The following FHIT variants were observed in gnomAD, a reference collection of about 807,000 sequenced individuals.
FHIT encodes the protein bis(5'-adenosyl)-triphosphatase.
A neutral mutation model predicts 17.9 loss-of-function variants in FHIT; 19 were observed. That is an observed-to-expected ratio of 1.06 (90% CI 0.74 to 1.56). The LOEUF is 1.56. Ranked by LOEUF, FHIT falls within the 40% of genes most tolerant of loss-of-function variation. The pLI, the probability that FHIT is intolerant of heterozygous loss-of-function variation, is 0.00. For synonymous variants in FHIT, 81 were observed against 69.7 expected (o/e 1.16, Z -0.81); for missense variants, 248 against 189.2 (o/e 1.31, Z -1.82).
intron 4 of FHIT, among the ~76,000 whole-genome samples, chr3:60,548,397 C>G (rs986873425): frequency 6.6e-6 from 1 of 152,010 alleles, no homozygotes; most frequent in African/African-American, 2.4e-5. Flanking sequence ...ACAATAAATA[C>G]AAACTTTTTG....
In FHIT at chr3:59,918,234, T is replaced by G. The variant is rs13319697; in HGVS notation, c.348+4112A>C. On this transcript the variant is annotated intron_variant, in intron 8 of 9. Coordinates refer to ENST00000492590, the MANE Select transcript of FHIT (RefSeq NM_002012.4). ...AACACCTTGTTTTTTTTTAAATGTG[T>G]TCATTCATTTTCAAATATTCACTGA... Among the ~76,000 whole-genome samples the G allele has an allele frequency of 9.5e-3, 1,453 of 152,290 alleles. 26 individuals are homozygous for G. Among genetic ancestry groups the G allele is most frequent in the African/African-American group, 0.033 (1,375 of 41,564 alleles).
chr3:61,045,706 G>T (rs541386657), intron 2 of FHIT, among the ~76,000 whole-genome samples: 3 of 151,996 alleles, frequency 2.0e-5, no homozygotes, highest in Non-Finnish European at 2.9e-5. Flanking sequence ...GCACCACATC[G>T]TACTTATTCC....
chr3:59,749,736 C>A, intron 9 of FHIT, 157 bp from the exon 10 acceptor site: 1 of 229,188 alleles, frequency 4.4e-6, no homozygotes, highest in Non-Finnish European at 8.7e-6. Context: ...TGCTTAATTA[C>A]AACTATATTT....
At chr3:61,136,337 A>G (rs187946316) in intron 2 of FHIT, among the ~76,000 whole-genome samples, 50 of 152,168 alleles carry the variant, frequency 3.3e-4, no homozygotes, top group African/African-American at 1.2e-3. Context: ...ATTTGCCACA[A>G]CCAAGATAAT....
chr3:60,313,546 GGTTGT>G (rs1709039288), intron 5 of FHIT, among the ~76,000 whole-genome samples: 1 of 152,164 alleles, frequency 6.6e-6, no homozygotes, highest in African/African-American at 2.4e-5. Flanking sequence ...TATACAAATA[GGTTGT>G]CACGTAAAGT....
At chr3:60,051,921 G>C (rs1440047014) in intron 5 of FHIT, among the ~76,000 whole-genome samples, 6 of 152,084 alleles carry the variant, frequency 3.9e-5, no homozygotes, top group Non-Finnish European at 8.8e-5. Context: ...AGATTGGTTG[G>C]GTATCTCCAT....
intron 5 of FHIT, among the ~76,000 whole-genome samples, chr3:60,177,251 A>G (rs1183527591): frequency 6.6e-6 from 1 of 151,742 alleles, no homozygotes; most frequent in East Asian, 1.9e-4. Context: ...GGGAAATAAT[A>G]CAATAAGCCA....
intron 5 of FHIT, among the ~76,000 whole-genome samples, chr3:60,048,644 G>A (rs566245236): frequency 3.3e-5 from 5 of 152,276 alleles, no homozygotes; most frequent in South Asian, 2.1e-4. Flanking sequence ...ACTTCCCTCT[G>A]CTTTATGAGG....
chr3:60,516,667 C>T (rs943448633), intron 5 of FHIT, among the ~76,000 whole-genome samples: 7 of 152,122 alleles, frequency 4.6e-5, no homozygotes, highest in African/African-American at 1.7e-4. Context: ...CTCATGAGTG[C>T]TAAATTAATA....
At chr3:60,144,750 C>T (rs1370174560) in intron 5 of FHIT, among the ~76,000 whole-genome samples, 1 of 152,038 alleles carries the variant, frequency 6.6e-6, no homozygotes, top group Non-Finnish European at 1.5e-5. Context: ...CCTTCAATAG[C>T]CTCTTTTCTA....
chr3:60,811,169 A>G (rs1701560682), intron 4 of FHIT, among the ~76,000 whole-genome samples: 1 of 152,192 alleles, frequency 6.6e-6, no homozygotes, highest in Non-Finnish European at 1.5e-5. Flanking sequence ...AATTCAGAGT[A>G]TGGGGTTTTA....
intron 3 of FHIT, among the ~76,000 whole-genome samples, chr3:60,839,173 T>C (rs1319970690): frequency 1.3e-5 from 2 of 152,160 alleles, no homozygotes; most frequent in South Asian, 2.1e-4. Flanking sequence ...CAGACGAAAA[T>C]GGTGAGTGTA....
chr3:60,055,151 AG>A, intron 5 of FHIT, among the ~76,000 whole-genome samples: 1 of 152,286 alleles, frequency 6.6e-6, no homozygotes, highest in South Asian at 2.1e-4. Flanking sequence ...CATGGCAAGA[AG>A]GGTACCCTTG....
chr3:60,027,239 G>C (rs1700790819), intron 5 of FHIT, among the ~76,000 whole-genome samples: 1 of 150,842 alleles, frequency 6.6e-6, no homozygotes, highest in South Asian at 2.1e-4. Flanking sequence ...GTATATAACT[G>C]AAAAAAAATA....
At chr3:60,865,930 C>T (rs183440204) in intron 3 of FHIT, among the ~76,000 whole-genome samples, 32 of 152,174 alleles carry the variant, frequency 2.1e-4, no homozygotes, top group African/African-American at 7.2e-4. Flanking sequence ...TTCTTTTGCA[C>T]ACAATTGTAG....
intron 4 of FHIT, among the ~76,000 whole-genome samples, chr3:60,678,404 G>C (rs1390315594): frequency 1.3e-5 from 2 of 152,014 alleles, no homozygotes; most frequent in Admixed American, 6.6e-5. Flanking sequence ...TGTTATTATA[G>C]AGGTCAATTC....
intron 5 of FHIT, among the ~76,000 whole-genome samples, chr3:60,198,265 T>C (rs1702736700): frequency 6.6e-6 from 1 of 152,178 alleles, no homozygotes; most frequent in African/African-American, 2.4e-5. Context: ...ATATGCTCAG[T>C]CACAAATGGT....
chr3:60,308,437 C>T (rs568973031), intron 5 of FHIT, among the ~76,000 whole-genome samples: 84 of 151,346 alleles, frequency 5.6e-4, no homozygotes, highest in Middle Eastern at 3.4e-3. Context: ...ATCATCCTTT[C>T]TGTATCTAAC....
chr3:60,774,432 T>C (rs1017061720), intron 4 of FHIT, among the ~76,000 whole-genome samples: 4 of 151,992 alleles, frequency 2.6e-5, no homozygotes, highest in African/African-American at 7.2e-5. Context: ...TCCCGAGTAG[T>C]TGGGATTACA....
Sources: allele counts gnomAD v4.1 joint callset (sites outside exome capture counted in the v4.1 genomes callset), GRCh38; gene constraint gnomAD v4.1.1; transcripts MANE v1.5; gene names NCBI Gene and HGNC (gene_info 2026-07-23, HGNC 2026-07-21).